The following MECOM variants were observed in gnomAD, a reference collection of about 807,000 sequenced individuals.
The protein encoded by MECOM is MDS1 and EVI1 complex locus, also known as histone-lysine N-methyltransferase MECOM.
Under a neutral mutation model 116.3 loss-of-function variants are expected in MECOM, and 13 were observed. The observed-to-expected ratio is 0.11, with a 90% CI of 0.07 to 0.18. MECOM has a LOEUF of 0.18. Among genes scored for constraint, MECOM ranks in the 10% least tolerant of loss-of-function variants. The probability of loss-of-function intolerance (pLI) is 1.00; values close to 1 mark genes in which losing one functional copy is unlikely to be tolerated. For missense variants in MECOM, 1,299 were observed against 1,509.0 expected (o/e 0.86, Z 2.31); for synonymous variants, 528 against 535.2 (o/e 0.99, Z 0.19).
chr3:169,485,933 G>GTATATATATACTA (rs1560340263), intron 1 of MECOM, among the ~76,000 whole-genome samples: 4 of 100,278 alleles, frequency 4.0e-5, no homozygotes, highest in Non-Finnish European at 5.7e-5. Context: ...AGTATATATA[G>GTATATATATACTA]TATATATGTA....
At chr3:169,241,874 CA>C (rs1346111895) in intron 2 of MECOM, among the ~76,000 whole-genome samples, 1 of 151,892 alleles carries the variant, frequency 6.6e-6, no homozygotes, top group African/African-American at 2.4e-5. Flanking sequence ...ATAAGGTTTC[CA>C]AAAAATTGGT....
chr3:169,324,426 G>T (rs1721485661), intron 2 of MECOM, among the ~76,000 whole-genome samples: 1 of 152,204 alleles, frequency 6.6e-6, no homozygotes, highest in Non-Finnish European at 1.5e-5. Context: ...CACATGCTCT[G>T]CTGCATACTT....
At chr3:169,154,558 A>T (rs1410873792) in intron 2 of MECOM, among the ~76,000 whole-genome samples, 1 of 152,040 alleles carries the variant, frequency 6.6e-6, no homozygotes, top group Non-Finnish European at 1.5e-5. Flanking sequence ...TCACTCTCCC[A>T]CCAGTTTAAA....
intron 1 of MECOM, among the ~76,000 whole-genome samples, chr3:169,587,148 C>T (rs927916758): frequency 6.6e-6 from 1 of 152,112 alleles, no homozygotes; most frequent in African/African-American, 2.4e-5. Flanking sequence ...GGTCAGCATT[C>T]CAACCAATAT....
intron 1 of MECOM, among the ~76,000 whole-genome samples, chr3:169,409,137 T>C (rs1737167363): frequency 6.6e-6 from 1 of 152,210 alleles, no homozygotes; most frequent in Non-Finnish European, 1.5e-5. Context: ...CACAGTCAAC[T>C]CATTTATAAA....
At chr3:169,111,740 T>TGGATACTA (rs1303326060) in intron 9 of MECOM, among the ~76,000 whole-genome samples, 1 of 152,076 alleles carries the variant, frequency 6.6e-6, no homozygotes. Flanking sequence ...AAGATTGTGT[T>TGGATACTA]ACAACTCTCA....
chr3:169,409,097 C>T (rs929797108), intron 1 of MECOM, among the ~76,000 whole-genome samples: 7 of 152,152 alleles, frequency 4.6e-5, no homozygotes, highest in African/African-American at 1.7e-4. Flanking sequence ...AGCTCTGCAA[C>T]AGTGAGAGAG....
intron 1 of MECOM, among the ~76,000 whole-genome samples, chr3:169,496,339 C>A (rs893607997): frequency 2.0e-5 from 3 of 152,208 alleles, no homozygotes; most frequent in African/African-American, 7.2e-5. Flanking sequence ...AAATTATTAT[C>A]CCTTAGCTAA....
chr3:169,189,365 CTT>C (rs886415304), intron 2 of MECOM, among the ~76,000 whole-genome samples: 1 of 151,990 alleles, frequency 6.6e-6, no homozygotes, highest in African/African-American at 2.4e-5. Context: ...AGCCAACAGA[CTT>C]CACCTTCAGT....
intron 2 of MECOM, among the ~76,000 whole-genome samples, chr3:169,183,003 C>G (rs115047962): frequency 1.2e-4 from 19 of 152,132 alleles, no homozygotes; most frequent in African/African-American, 4.6e-4. Flanking sequence ...TTCTTAGGTA[C>G]GAGGCTTTGT....
intron 1 of MECOM, among the ~76,000 whole-genome samples, chr3:169,472,481 AGG>A: frequency 1.8e-5 from 1 of 55,452 alleles, no homozygotes; most frequent in Admixed American, 1.6e-4. Context: ...AGGAAAGGAA[AGG>A]AAAGGAAAGG....
intron 1 of MECOM, among the ~76,000 whole-genome samples, chr3:169,474,434 A>T (rs1750031126): frequency 6.6e-6 from 1 of 152,196 alleles, no homozygotes; most frequent in African/African-American, 2.4e-5. Context: ...TATCCTTGAA[A>T]ATGGAATGTC....
chr3:169,481,664 CTG>C (rs5854335), intron 1 of MECOM, among the ~76,000 whole-genome samples: 30,314 of 151,208 alleles, frequency 0.2, 3,449 homozygotes, highest in Non-Finnish European at 0.24. Context: ...AGTGACAAAT[CTG>C]TGTGTGTGTG....
At chr3:169,312,033 C>G (rs1718868552) in intron 2 of MECOM, among the ~76,000 whole-genome samples, 3 of 152,184 alleles carry the variant, frequency 2.0e-5, no homozygotes, top group African/African-American at 7.2e-5. Context: ...TGGGCCCAGA[C>G]CACGCGGGGC....
At chr3:169,378,421 GAA>G (rs1278386739) in intron 2 of MECOM, among the ~76,000 whole-genome samples, 1 of 68,604 alleles carries the variant, frequency 1.5e-5, no homozygotes, top group African/African-American at 1.1e-4. Flanking sequence ...AAGAAAGAAA[GAA>G]AGAAAGAAAG....
chr3:169,471,671 T>A (rs1453728957), intron 1 of MECOM, among the ~76,000 whole-genome samples: 1 of 152,196 alleles, frequency 6.6e-6, no homozygotes, highest in African/African-American at 2.4e-5. Flanking sequence ...TCTCCTTTGC[T>A]ATGTGCCTAT....
intron 1 of MECOM, among the ~76,000 whole-genome samples, chr3:169,583,900 C>A (rs975712115): frequency 3.3e-5 from 5 of 152,030 alleles, no homozygotes; most frequent in African/African-American, 1.2e-4. Flanking sequence ...CCACCGTGTC[C>A]AGCCAGTAAA....
intron 1 of MECOM, among the ~76,000 whole-genome samples, chr3:169,449,733 C>T (rs868077804): frequency 3.3e-5 from 5 of 151,808 alleles, no homozygotes; most frequent in Admixed American, 6.6e-5. Context: ...TGAGACAATA[C>T]GTAAAGAAAT....
At chr3:169,286,787 G>A (rs1348821457) in intron 2 of MECOM, among the ~76,000 whole-genome samples, 1 of 152,076 alleles carries the variant, frequency 6.6e-6, no homozygotes, top group Non-Finnish European at 1.5e-5. Flanking sequence ...CTGCTACCTG[G>A]TGAGTCCTCA....
Sources: allele counts gnomAD v4.1 joint callset (sites outside exome capture counted in the v4.1 genomes callset), GRCh38; gene constraint gnomAD v4.1.1; transcripts MANE v1.5; gene names NCBI Gene and HGNC (gene_info 2026-07-23, HGNC 2026-07-21).